Variants in OIP5 observed in about 807,000 individuals in gnomAD.
The protein encoded by OIP5 is Opa interacting protein 5.
Under a neutral mutation model 20.3 loss-of-function variants are expected in OIP5, and 24 were observed. The ratio of observed to expected loss-of-function variants is 1.18; its 90% CI spans 0.86 to 1.66. The LOEUF is 1.66. Among genes scored for constraint, OIP5 ranks in the 40% most tolerant of loss-of-function variants. The probability of loss-of-function intolerance (pLI) is 0.00; values close to 1 mark genes in which losing one functional copy is unlikely to be tolerated. For synonymous variants in OIP5, 143 were observed against 121.3 expected (o/e 1.18, Z -1.17); for missense variants, 339 against 289.5 (o/e 1.17, Z -1.24).
intron 3 of OIP5, among the ~76,000 whole-genome samples, chr15:41,314,344 C>A (rs927748397): frequency 1.3e-5 from 2 of 152,146 alleles, no homozygotes; most frequent in Admixed American, 1.3e-4. Flanking sequence ...TCAGGTGATC[C>A]CCCTGCCTGG....
At chr15:41,331,789 G>T in intron 2 of OIP5, 126 bp downstream of exon 2, 2 of 780,348 alleles carry the variant, frequency 2.6e-6, no homozygotes, top group Non-Finnish European at 4.5e-6. Flanking sequence ...AATACATCAA[G>T]TTCATATAAG....
At chr15:41,332,165 C>T (rs959784669) in intron 1 of OIP5, 75 bp downstream of exon 1, 2 of 1,475,608 alleles carry the variant, frequency 1.4e-6, no homozygotes, top group African/African-American at 2.8e-5. Context: ...GGTGGTTCTC[C>T]GCCACCCGGT....
rs548119035 is a variant in OIP5, at chr15:41,320,559, C to T, written c.390-779G>A. Reference sequence around the variant, plus strand: ...CCTCCCAGGGTGCCGGGATTGCAGACGGAGTCTCGTCTCGTTCACTCAGTG... The same window carrying T: ...CCTCCCAGGGTGCCGGGATTGCAGATGGAGTCTCGTCTCGTTCACTCAGTG... On this transcript the variant is annotated intron_variant, in intron 2 of 4. Coordinates refer to ENST00000220514, the MANE Select transcript of OIP5 (RefSeq NM_007280.2). 1.6e-4 allele frequency among the ~76,000 whole-genome samples: 24 copies of T among 152,310 alleles called. No individual in the cohort carries two copies. The South Asian group carries it at 4.1e-3, about 26-fold the overall frequency.
intron 2 of OIP5, among the ~76,000 whole-genome samples, chr15:41,320,891 C>T (rs879789953): frequency 4.6e-4 from 70 of 151,364 alleles, no homozygotes; most frequent in Non-Finnish European, 8.0e-4. Flanking sequence ...CGTCTCTGCC[C>T]GGCCTCCCAT....
chr15:41,329,168 A>G (rs535392127), intron 2 of OIP5, among the ~76,000 whole-genome samples: 5 of 151,302 alleles, frequency 3.3e-5, no homozygotes, highest in Admixed American at 6.6e-5. Context: ...CTCTTAATTC[A>G]TTCTCTGACC....
At position 41,312,164 on chromosome 15, in the gene OIP5, CT is replaced by C. The variant is rs1180916308; in HGVS notation, c.594+1108del. On this transcript the variant is annotated intron_variant, in intron 4 of 4. Transcript: ENST00000220514. ...CCACCATGCCCAGCCTTCTTTTTTT[CT>C]TTTTTTTTTTTTTGAGACAGATTTT... Among the ~76,000 whole-genome samples, 331 of 88,022 alleles carry C rather than the reference CT, an allele frequency of 3.8e-3. 2 individuals are homozygous for C. The highest frequency in any genetic ancestry group is 3.8e-3 in the African/African-American group (119 of 31,574). The allele number at this position is 88,022 out of a possible 152,430, so 57.7% of individuals were successfully genotyped here.
intron 4 of OIP5, among the ~76,000 whole-genome samples, chr15:41,312,409 C>T (rs2047761739): frequency 1.3e-5 from 2 of 151,942 alleles, no homozygotes; most frequent in African/African-American, 2.4e-5. Flanking sequence ...TATCCATCCG[C>T]CTCAGCCTCC....
chr15:41,329,063 C>CAAAAAAAAA (rs1166517767), intron 2 of OIP5, among the ~76,000 whole-genome samples: 50 of 50,254 alleles, frequency 9.9e-4, no homozygotes, highest in Admixed American at 1.2e-3. Context: ...GACTCCATCT[C>CAAAAAAAAA]AAAAAAAAAA....
intron 3 of OIP5, among the ~76,000 whole-genome samples, chr15:41,317,012 T>TC (rs1379961747): frequency 6.6e-6 from 1 of 152,072 alleles, no homozygotes; most frequent in East Asian, 1.9e-4. Context: ...AGGAAAGACT[T>TC]CTAAGGATGT....
rs2047761347 is a variant in OIP5, at chr15:41,312,366, G to C, written c.594+907C>G. On this transcript the variant is annotated intron_variant, in intron 4 of 4. Transcript: ENST00000220514. Reference sequence around the variant, plus strand: ...AGTAGAGACAGGGTTTCTCCATGTTGGTCAGGCTGGTCTCGAACTACTGAT... The same window carrying C: ...AGTAGAGACAGGGTTTCTCCATGTTCGTCAGGCTGGTCTCGAACTACTGAT... 2.0e-5 allele frequency among the ~76,000 whole-genome samples: 3 copies of C among 150,924 alleles called. No homozygotes were observed. In the South Asian group the frequency reaches 6.3e-4, roughly 32 times the overall value.
chr15:41,326,863 T>TTTAAAAAAAAAAAA (rs2047865093), intron 2 of OIP5, among the ~76,000 whole-genome samples: 1 of 152,192 alleles, frequency 6.6e-6, no homozygotes. Flanking sequence ...CATTGGATCA[T>TTTAAAAAAAAAAAA]GGGCACTGGA....
intron 2 of OIP5, among the ~76,000 whole-genome samples, chr15:41,321,948 TAAA>T (rs1238724759): frequency 7.6e-6 from 1 of 132,300 alleles, no homozygotes; most frequent in Non-Finnish European, 1.6e-5. Flanking sequence ...AATAAATAAA[TAAA>T]AAAGAAAAAA....
In OIP5 at chr15:41,323,886, T is replaced by G. The variant is rs537199295; in HGVS notation, c.390-4106A>C. Among the ~76,000 whole-genome samples the G allele has an allele frequency of 1.2e-4, 19 of 152,318 alleles. No homozygotes were observed. In the South Asian group the frequency reaches 3.9e-3, roughly 32 times the overall value. On this transcript the variant is annotated intron_variant, in intron 2 of 4. Transcript: ENST00000220514. ...AAAATATGTTCTTTAGTGTACCCACTTTCATTTTCTGTAGCTTCTGCATCA... is the reference window on the plus strand; with the variant it reads ...AAAATATGTTCTTTAGTGTACCCACGTTCATTTTCTGTAGCTTCTGCATCA...
At chr15:41,316,614 C>A (rs1026719785) in intron 3 of OIP5, among the ~76,000 whole-genome samples, 22 of 151,796 alleles carry the variant, frequency 1.4e-4, no homozygotes, top group Admixed American at 9.9e-4. Context: ...CACAGTGAAA[C>A]CCCGTCTCTA....
Position 41,332,352 on chromosome 15 carries a change from C to A in OIP5, c.210G>T (p.Leu70=). 5.0e-6 allele frequency: 8 copies of A among 1,612,516 alleles called. No individual in the cohort carries two copies. The highest frequency in any genetic ancestry group is 5.9e-6 in the Non-Finnish European group (7 of 1,179,158). The part of the protein sequence containing the change: ...PAAGPQLPSW[L]QPERCAVFQC... The stretch of plus-strand genomic sequence containing the variant: ...GGAACACAGCGCACCTCTCAGGCTG[C>A]AGCCAAGACGGCAGCTGCGGGCCGG... The change falls in exon 1 of 5, where the codon CTG becomes CTT. Residue 70 remains leucine (L), a synonymous_variant. Transcript: ENST00000220514.
chr15:41,314,410 T>C (rs2047777499), intron 3 of OIP5, among the ~76,000 whole-genome samples: 5 of 151,838 alleles, frequency 3.3e-5, no homozygotes, highest in Admixed American at 6.6e-5. Flanking sequence ...TCCTCACTTC[T>C]TTATTGCCAA....
At position 41,309,580 on chromosome 15, in the gene OIP5, C is replaced by T. The variant is rs943398550; in HGVS notation, c.*174G>A. On this transcript the variant is annotated 3_prime_UTR_variant, in exon 5 of 5. Transcript: ENST00000220514. ...TATAAAAGAGAAGAATCCTTAGTCT[C>T]TCATCTTCTAAAAACAGCTTCACAA... 2.0e-5 allele frequency: 10 copies of T among 498,230 alleles called. No homozygotes were observed. The highest frequency in any genetic ancestry group is 1.8e-4 in the African/African-American group (9 of 50,298). The allele number at this position is 498,230 out of a possible 1,614,324, so 30.9% of individuals were successfully genotyped here.
chr15:41,319,982 G>A (rs9302109), intron 2 of OIP5, among the ~76,000 whole-genome samples: 2 of 151,902 alleles, frequency 1.3e-5, no homozygotes. Context: ...GGATACCCTC[G>A]TATATTCTGG....
chr15:41,316,149 G>C (rs1401194462), intron 3 of OIP5, among the ~76,000 whole-genome samples: 3 of 150,552 alleles, frequency 2.0e-5, no homozygotes, highest in African/African-American at 7.3e-5. Flanking sequence ...AAAAAAAAAA[G>C]AATCTAAAAA....
Sources: gnomAD v4.1 joint callset for allele counts (sites outside exome capture counted in the v4.1 genomes callset) on GRCh38, gnomAD v4.1.1 for gene constraint, MANE v1.5 for transcripts, NCBI Gene and HGNC (gene_info 2026-07-23, HGNC 2026-07-21) for gene names.